Variants in PRICKLE2 observed in about 807,000 individuals in gnomAD.
The protein encoded by PRICKLE2 is prickle planar cell polarity protein 2, also known as prickle-like protein 2.
A neutral mutation model predicts 81.4 loss-of-function variants in PRICKLE2; 21 were observed. That is an observed-to-expected ratio of 0.26 (90% CI 0.18 to 0.37). PRICKLE2 has a LOEUF of 0.37. Ranked by LOEUF, PRICKLE2 falls within the 10% of genes least tolerant of loss-of-function variation. The probability of loss-of-function intolerance (pLI) is 1.00; values close to 1 mark genes in which losing one functional copy is unlikely to be tolerated. For missense variants in PRICKLE2, 940 were observed against 1,109.0 expected (o/e 0.85, Z 2.16); for synonymous variants, 456 against 421.5 (o/e 1.08, Z -1.00).
Position 64,141,753 on chromosome 3 carries a change from G to T in PRICKLE2, c.1660+5077C>A, listed in dbSNP as rs979448363. On this transcript the variant is annotated intron_variant, in intron 7 of 7. Transcript: ENST00000638394. ...GCCAGTGCAGCTATCTGTTTTTTCA[G>T]ATCTGTTCTGAGGAAAAATGCTGCC... 2.7e-5 allele frequency: 26 copies of T among 968,964 alleles called. No homozygotes were observed. The African/African-American group carries it at 4.0e-4, about 15-fold the overall frequency. The allele number at this position is 968,964 out of a possible 1,614,324, so 60.0% of individuals were successfully genotyped here.
chr3:64,218,192 C>A (rs562356324), intron 1 of PRICKLE2, among the ~76,000 whole-genome samples: 4 of 152,318 alleles, frequency 2.6e-5, no homozygotes, highest in African/African-American at 9.6e-5. Flanking sequence ...TTCCTCCCCA[C>A]CCCAGGTGAC....
chr3:64,207,941 C>A lies in PRICKLE2; in HGVS notation c.-40-8974G>T. ...CTGGGAAAGGCTGACGCAGGAGGAG[C>A]TGGGCAGCGGCCTGACTTACTCCAT... On this transcript the variant is annotated intron_variant, in intron 1 of 7. Coordinates refer to ENST00000638394, the MANE Select transcript of PRICKLE2 (RefSeq NM_198859.4). 1.3e-5 allele frequency among the ~76,000 whole-genome samples: 2 copies of A among 152,054 alleles called. 1 individual carries two copies. Among genetic ancestry groups the A allele is most frequent in the Non-Finnish European group, 2.9e-5 (2 of 67,988 alleles).
intron 2 of PRICKLE2, among the ~76,000 whole-genome samples, chr3:64,184,218 G>T: frequency 6.6e-6 from 1 of 152,176 alleles, no homozygotes; most frequent in Non-Finnish European, 1.5e-5. Flanking sequence ...GAAATGCCAG[G>T]TACTGATTAA....
chr3:64,101,276 A>C (rs560439623), intron 7 of PRICKLE2: 1 of 152,364 alleles, frequency 6.6e-6, no homozygotes, highest in South Asian at 2.1e-4. Flanking sequence ...TTCTTGTAAT[A>C]GCCCAGAAAC....
rs900658387 is a variant in PRICKLE2 at position 64,095,069 on chromosome 3, ATATT to A, written c.*3978_*3981del. On this transcript the variant is annotated 3_prime_UTR_variant, in exon 8 of 8. Coordinates refer to ENST00000638394, the MANE Select transcript of PRICKLE2 (RefSeq NM_198859.4). ...AAGAACACTTCTCCTTGGAATTTAA[ATATT>A]TATTTATTTTTTGTTAGAAGGTGGG... 7 of 152,630 alleles carry A rather than the reference ATATT, an allele frequency of 4.6e-5. No individual in the cohort carries two copies. The highest frequency in any genetic ancestry group is 3.3e-4 in the Admixed American group (5 of 15,270). The allele number at this position is 152,630 out of a possible 1,614,324, so 9.5% of individuals were successfully genotyped here.
intron 2 of PRICKLE2, among the ~76,000 whole-genome samples, chr3:64,246,596 G>C (rs894613867): frequency 2.6e-5 from 4 of 152,174 alleles, no homozygotes; most frequent in Non-Finnish European, 4.4e-5. Context: ...TGTTGGGCCC[G>C]TGGACCAAAC....
chr3:64,155,230 G>C (rs574601817), intron 5 of PRICKLE2, among the ~76,000 whole-genome samples: 6 of 141,390 alleles, frequency 4.2e-5, no homozygotes, highest in Admixed American at 2.1e-4. Context: ...AATTTTTTCA[G>C]ACATTTCTCT....
In PRICKLE2 at chr3:64,098,343, T is replaced by C. The variant is rs911383964; in HGVS notation, c.*708A>G. On this transcript the variant is annotated 3_prime_UTR_variant, in exon 8 of 8. Coordinates refer to ENST00000638394, the MANE Select transcript of PRICKLE2 (RefSeq NM_198859.4). ...CTGAGGGTGGGAGCAGACTTAAGGA[T>C]GGCTCCTTAAGATGGAACGGAGCAT... 7 of 152,616 alleles carry C rather than the reference T, an allele frequency of 4.6e-5. No individual in the cohort carries two copies. Among genetic ancestry groups the C allele is most frequent in the East Asian group, 1.9e-4 (1 of 5,204 alleles). 9.5% of individuals were successfully genotyped at this position (152,616 alleles called of 1,614,324 possible). A position where few individuals can be genotyped will look rare whatever the true frequency, so the allele number is the denominator to read the frequency against.
intron 7 of PRICKLE2, among the ~76,000 whole-genome samples, chr3:64,116,761 A>C (rs933298341): frequency 1.3e-5 from 2 of 152,192 alleles, no homozygotes; most frequent in African/African-American, 4.8e-5. Context: ...GAATTCTGTC[A>C]GGTGTCCAAA....
chr3:64,231,785 G>A (rs906257822), intron 2 of PRICKLE2, among the ~76,000 whole-genome samples: 10 of 152,176 alleles, frequency 6.6e-5, no homozygotes, highest in African/African-American at 2.2e-4. Flanking sequence ...AACCAAAAAT[G>A]TAGCATTTAT....
At chr3:64,102,423 C>G (rs971779971) in intron 7 of PRICKLE2, 1 of 152,168 alleles carries the variant, frequency 6.6e-6, no homozygotes, top group African/African-American at 2.4e-5. Context: ...GAGTGTAAAC[C>G]CTGTTGTGAA....
At position 64,115,426 on chromosome 3, in the gene PRICKLE2, A is replaced by T. The variant is rs1096263; in HGVS notation, c.1661-15501T>A. Among the ~76,000 whole-genome samples, 908 of 152,076 alleles carry T rather than the reference A, an allele frequency of 6.0e-3. 10 individuals are homozygous for T. The highest frequency in any genetic ancestry group is 0.021 in the African/African-American group (878 of 41,446). ...GTGGCAAGCTGCATGAAGAACCAAG[A>T]CCCATTATTATGCTGTCTTCAAGAG... On this transcript the variant is annotated intron_variant, in intron 7 of 7. Coordinates refer to ENST00000638394, the MANE Select transcript of PRICKLE2 (RefSeq NM_198859.4).
intron 5 of PRICKLE2, among the ~76,000 whole-genome samples, chr3:64,155,242 A>C (rs981612500): frequency 6.6e-6 from 1 of 151,942 alleles, no homozygotes; most frequent in African/African-American, 2.4e-5. Flanking sequence ...CATTTCTCTG[A>C]AAAAGAAGAT....
chr3:64,174,085 CGTT>C (rs2077978923), intron 2 of PRICKLE2, among the ~76,000 whole-genome samples: 1 of 152,022 alleles, frequency 6.6e-6, no homozygotes, highest in African/African-American at 2.4e-5. Flanking sequence ...TATGCTAGTA[CGTT>C]GTTATCAAAC....
intron 2 of PRICKLE2, among the ~76,000 whole-genome samples, chr3:64,240,284 C>G (rs901043101): frequency 3.3e-5 from 5 of 152,140 alleles, no homozygotes; most frequent in Admixed American, 1.3e-4. Flanking sequence ...GTTGGAAGAA[C>G]AGGTACTCCA....
At chr3:64,244,445 A>G (rs546010690) in intron 2 of PRICKLE2, among the ~76,000 whole-genome samples, 71 of 152,368 alleles carry the variant, frequency 4.7e-4, no homozygotes, top group African/African-American at 1.6e-3. Flanking sequence ...GGGGATAATT[A>G]CCAAGTCATA....
chr3:64,179,102 G>C (rs1007169751), intron 2 of PRICKLE2, among the ~76,000 whole-genome samples: 1 of 147,202 alleles, frequency 6.8e-6, no homozygotes, highest in African/African-American at 2.5e-5. Context: ...TTCAGACTGA[G>C]TTTCGCTCTT....
In PRICKLE2 at chr3:64,146,667, C is replaced by T. The variant is rs147483023; in HGVS notation, c.1660+163G>A. On this transcript the variant is annotated intron_variant, in intron 7 of 7. Transcript: ENST00000638394. The stretch of plus-strand genomic sequence containing the variant: ...CTGAGGCAGGAGAATGGCGTGAACC[C>T]GGGAGGTGGAGCTTGCAGTGAGCGG... The T allele has an allele frequency of 7.5e-3, 5,391 of 720,466 alleles. 36 individuals are homozygous for T. The highest frequency in any genetic ancestry group is 0.01 in the Non-Finnish European group (4,490 of 436,638). 44.6% of individuals were successfully genotyped at this position (720,466 alleles called of 1,614,324 possible). A position where few individuals can be genotyped will look rare whatever the true frequency, so the allele number is the denominator to read the frequency against.
chr3:64,188,096 T>A (rs1344841014), intron 2 of PRICKLE2, among the ~76,000 whole-genome samples: 1 of 152,236 alleles, frequency 6.6e-6, no homozygotes, highest in Non-Finnish European at 1.5e-5. Flanking sequence ...TTCATCCGTA[T>A]CTGCACGCAA....
Sources: gnomAD v4.1 joint callset for allele counts (sites outside exome capture counted in the v4.1 genomes callset) on GRCh38, gnomAD v4.1.1 for gene constraint, MANE v1.5 for transcripts, NCBI Gene and HGNC (gene_info 2026-07-23, HGNC 2026-07-21) for gene names.